NAA16: variants seen among roughly 807,000 people sequenced by gnomAD.
NAA16 encodes N-alpha-acetyltransferase 16, NatA auxiliary subunit.
In NAA16, 97 loss-of-function variants were observed where a neutral mutation model predicts 110.3. That is an observed-to-expected ratio of 0.88 (90% CI 0.75 to 1.04). The LOEUF (loss-of-function observed/expected upper bound fraction) is 1.04. Among genes scored for constraint, NAA16 ranks in the 50% least tolerant of loss-of-function variants. The pLI, the probability that NAA16 is intolerant of heterozygous loss-of-function variation, is 0.00. For missense variants in NAA16, 1,017 were observed against 1,005.1 expected (o/e 1.01, Z -0.16); for synonymous variants, 372 against 330.6 (o/e 1.13, Z -1.36).
chr13:41,328,758 A>G lies in NAA16; in HGVS notation c.726A>G (p.Glu242=), dbSNP rs2042158013. 6.2e-7 allele frequency: 1 copy of G among 1,608,478 alleles called. No homozygotes were observed. The highest frequency in any genetic ancestry group is 1.3e-5 in the African/African-American group (1 of 74,818). ...TGTTGAAATTGGGAAGATTAAAAGAAGCCAGTGAAGTGTTCAAAAACTTGA... is the reference window on the plus strand; with the variant it reads ...TGTTGAAATTGGGAAGATTAAAAGAGGCCAGTGAAGTGTTCAAAAACTTGA... ...EILLKLGRLK[E]ASEVFKNLID... is the part of the protein sequence containing the mutation. The change falls in exon 7 of 20, where the codon GAA becomes GAG. Residue 242 remains glutamate, a synonymous_variant. Transcript: ENST00000379406.
In NAA16 at chr13:41,320,699, G is replaced by A. The variant is rs2041923640; in HGVS notation, c.277G>A (p.Asp93Asn). ...WHVYGLLQRS[D>N]KKYDEAIKCY... is the part of the protein sequence containing the mutation. The stretch of plus-strand genomic sequence containing the variant: ...TGTATATGGACTCTTGCAGCGTTCT[G>A]ATAAAAAATATGATGAAGCTATAAA... The change falls in exon 4 of 20, where the codon GAT becomes AAT. Residue 93 changes from aspartate to asparagine, a missense_variant. Asp to Asn is a conservative substitution (Grantham distance 23, BLOSUM62 1). Transcript: ENST00000379406. 6.2e-7 allele frequency: 1 copy of A among 1,611,826 alleles called. No homozygotes were observed. Among genetic ancestry groups the A allele is most frequent in the Admixed American group, 1.7e-5 (1 of 59,732 alleles).
In NAA16 at chr13:41,376,896, A is replaced by G. The variant is rs1320517339; in HGVS notation, c.*1294A>G. The G allele has an allele frequency of 6.6e-6, 1 of 152,204 alleles. No individual in the cohort carries two copies. Among genetic ancestry groups the G allele is most frequent in the Non-Finnish European group, 1.5e-5 (1 of 68,032 alleles). The allele number at this position is 152,204 out of a possible 1,614,324, so 9.4% of individuals were successfully genotyped here. On this transcript the variant is annotated 3_prime_UTR_variant, in exon 20 of 20. Coordinates refer to ENST00000379406, the MANE Select transcript of NAA16 (RefSeq NM_024561.5). ...TATTAAGACAAATATACATTCAAAAAGGGAGATTTTATTTAGACACACATT... is the reference window on the plus strand; with the variant it reads ...TATTAAGACAAATATACATTCAAAAGGGGAGATTTTATTTAGACACACATT...
chr13:41,343,746 G>T (rs2139450732), intron 9 of NAA16, among the ~76,000 whole-genome samples: 1 of 152,198 alleles, frequency 6.6e-6, no homozygotes, highest in Non-Finnish European at 1.5e-5. Flanking sequence ...TTACCATGTT[G>T]CCCAGGCTGG....
chr13:41,374,707 G>T lies in NAA16; in HGVS notation c.2300-35G>T, dbSNP rs567439719. The T allele has an allele frequency of 6.9e-5, 89 of 1,292,110 alleles. No individual in the cohort carries two copies. The South Asian group carries it at 9.8e-4, about 14-fold the overall frequency. 80.0% of individuals were successfully genotyped at this position (1,292,110 alleles called of 1,614,324 possible). ...ATATCACATAAAATGTAAAGTATAGGTGTTTATTCATTTTGAAATGCCTTG... is the reference window on the plus strand; with the variant it reads ...ATATCACATAAAATGTAAAGTATAGTTGTTTATTCATTTTGAAATGCCTTG... On this transcript the variant is annotated intron_variant, in intron 18 of 19. Transcript: ENST00000379406.
chr13:41,336,901 T>G (rs2042395882), intron 9 of NAA16, 145 bp downstream of exon 9: 1 of 488,534 alleles, frequency 2.0e-6, no homozygotes. Flanking sequence ...TGAAATTACA[T>G]GCCTGTAGTA....
At chr13:41,373,603 A>G in intron 17 of NAA16, 34 bp from the exon 18 acceptor site, 1 of 1,546,992 alleles carries the variant, frequency 6.5e-7, no homozygotes, top group Non-Finnish European at 8.7e-7. Flanking sequence ...GGACAGATCA[A>G]AAACAAAAAA....
At chr13:41,354,195 T>G (rs777044716) in intron 9 of NAA16, among the ~76,000 whole-genome samples, 1 of 152,250 alleles carries the variant, frequency 6.6e-6, no homozygotes, top group Non-Finnish European at 1.5e-5. Flanking sequence ...AAAGCTATCA[T>G]GTAGGCCTGA....
intron 13 of NAA16, among the ~76,000 whole-genome samples, chr13:41,364,571 T>C (rs2043174314): frequency 6.6e-6 from 1 of 152,132 alleles, no homozygotes; most frequent in Non-Finnish European, 1.5e-5. Flanking sequence ...GAATTGAGTT[T>C]TCTTTCTTTC....
At position 41,325,719 on chromosome 13, in the gene NAA16, T is replaced by G. The variant is rs1390179490; in HGVS notation, c.559T>G (p.Tyr187Asp). Residue 187 changes from tyrosine to aspartate, a missense_variant, in exon 6 of 20, where the codon TAT (tyrosine) becomes GAT (aspartate). Transcript: ENST00000379406. Reference protein sequence around the residue: ...TQQVPPNKIDYEYSELILYQN... With the variant: ...TQQVPPNKIDDEYSELILYQN... ...TCAGGTTCCTCCAAACAAAATAGATTATGAATATAGTGAATTGATATTATA... is the reference window on the plus strand; with the variant it reads ...TCAGGTTCCTCCAAACAAAATAGATGATGAATATAGTGAATTGATATTATA... The G allele has an allele frequency of 1.9e-6, 3 of 1,584,218 alleles. No homozygotes were observed. Among genetic ancestry groups the G allele is most frequent in the Admixed American group, 1.8e-5 (1 of 56,426 alleles).
intron 1 of NAA16, among the ~76,000 whole-genome samples, chr13:41,315,922 A>C (rs1328173176): frequency 2.0e-5 from 3 of 152,046 alleles, no homozygotes; most frequent in African/African-American, 7.2e-5. Context: ...GATGTGCACC[A>C]CCACGCCTGA....
At chr13:41,336,826 A>G in intron 9 of NAA16, 70 bp downstream of exon 9, 2 of 836,882 alleles carry the variant, frequency 2.4e-6, no homozygotes, top group Non-Finnish European at 3.8e-6. Context: ...GTCCATGTAA[A>G]TAATGTGCTA....
intron 6 of NAA16, 129 bp downstream of exon 6, chr13:41,325,980 A>G: frequency 4.8e-6 from 3 of 624,444 alleles, no homozygotes; most frequent in Non-Finnish European, 5.1e-6. Context: ...TTATTAAGCC[A>G]TTATTAACTA....
At position 41,320,690 on chromosome 13, in the gene NAA16, C is replaced by T. The variant is rs1026414497; in HGVS notation, c.268C>T (p.Gln90Ter). The change falls in exon 4 of 20, where the codon CAG (glutamine) becomes TAG (stop). Residue 90 changes from glutamine to a stop codon, truncating the protein, a stop_gained. Transcript: ENST00000379406. LOFTEE classifies it high-confidence loss of function. ...AGGTTGGCATGTATATGGACTCTTGCAGCGTTCTGATAAAAAATATGATGA... is the reference window on the plus strand; with the variant it reads ...AGGTTGGCATGTATATGGACTCTTGTAGCGTTCTGATAAAAAATATGATGA... ...HVCWHVYGLL[Q>*]RSDKKYDEAI... is the part of the protein sequence containing the mutation. 3 of 1,611,184 alleles carry T rather than the reference C, an allele frequency of 1.9e-6. No individual in the cohort carries two copies. The Admixed American group carries it at 5.0e-5, about 27-fold the overall frequency.
At chr13:41,311,613 C>T (rs1477403630) in intron 1 of NAA16, 31 bp downstream of exon 1, 13 of 1,591,618 alleles carry the variant, frequency 8.2e-6, no homozygotes, top group African/African-American at 1.3e-5. Flanking sequence ...CTGCCGCCCC[C>T]CGGTCCCCGG....
At chr13:41,315,677 T>C (rs2041789642) in intron 1 of NAA16, among the ~76,000 whole-genome samples, 1 of 152,192 alleles carries the variant, frequency 6.6e-6, no homozygotes, top group Non-Finnish European at 1.5e-5. Context: ...TGTGTGTGTA[T>C]GCGTGCACAC....
In NAA16 at chr13:41,355,991, C is replaced by T. The variant is rs2042972121; in HGVS notation, c.1087+775C>T. ...AGTAACTTCCGGGTTCCTTATGTGT[C>T]TCTTACATGTCATTACTCTGAGTAT... On this transcript the variant is annotated intron_variant, in intron 10 of 19. Transcript: ENST00000379406. Among the ~76,000 whole-genome samples the T allele has an allele frequency of 2.0e-5, 3 of 151,874 alleles. No individual in the cohort carries two copies. In the South Asian group the frequency reaches 6.2e-4, roughly 31 times the overall value.
intron 2 of NAA16, among the ~76,000 whole-genome samples, chr13:41,318,032 T>G (rs977589867): frequency 1.4e-4 from 21 of 152,226 alleles, no homozygotes; most frequent in Admixed American, 1.4e-3. Context: ...TGTTCCAATA[T>G]TGAATAAAGT....
chr13:41,349,440 C>A (rs1489270208), intron 9 of NAA16, among the ~76,000 whole-genome samples: 1 of 151,668 alleles, frequency 6.6e-6, no homozygotes, highest in Non-Finnish European at 1.5e-5. Flanking sequence ...CTTAGGCATC[C>A]CAAAGTGCTG....
chr13:41,376,288 C>T lies in NAA16; in HGVS notation c.*686C>T, dbSNP rs989029270. On this transcript the variant is annotated 3_prime_UTR_variant, in exon 20 of 20. Transcript: ENST00000379406. The stretch of plus-strand genomic sequence containing the variant: ...TGGGCAACAGAGCAAGACTCCATCT[C>T]GAAAAAAAGGAATTCCTCTTGGCAG... 2.0e-5 allele frequency: 3 copies of T among 151,802 alleles called. No individual in the cohort carries two copies. The highest frequency in any genetic ancestry group is 4.8e-5 in the African/African-American group (2 of 41,316). 9.4% of individuals were successfully genotyped at this position (151,802 alleles called of 1,614,324 possible). A position where few individuals can be genotyped will look rare whatever the true frequency, so the allele number is the denominator to read the frequency against.
Sources: allele counts gnomAD v4.1 joint callset (sites outside exome capture counted in the v4.1 genomes callset), GRCh38; gene constraint gnomAD v4.1.1; transcripts MANE v1.5; gene names NCBI Gene and HGNC (gene_info 2026-07-23, HGNC 2026-07-21).